CDH18: variants seen among roughly 807,000 people sequenced by gnomAD.
CDH18 encodes cadherin 18, also known as cadherin-18.
In CDH18, 31 loss-of-function variants were observed where a neutral mutation model predicts 67.9. That is an observed-to-expected ratio of 0.46 (90% confidence interval 0.34 to 0.62). The LOEUF (loss-of-function observed/expected upper bound fraction) is 0.62. CDH18 is among the 20% of genes least tolerant of loss of function. CDH18 has a pLI of 0.01. For missense variants in CDH18, 890 were observed against 975.5 expected (o/e 0.91, Z 1.17); for synonymous variants, 362 against 347.2 (o/e 1.04, Z -0.48).
intron 2 of CDH18, among the ~76,000 whole-genome samples, chr5:19,896,083 G>A (rs116509060): frequency 0.036 from 5,411 of 152,144 alleles, 256 homozygotes; most frequent in African/African-American, 0.1. Flanking sequence ...TTGGTCGGAC[G>A]CAGTGGCTCA....
At chr5:20,055,627 G>A (rs745994838) in intron 2 of CDH18, among the ~76,000 whole-genome samples, 8 of 152,194 alleles carry the variant, frequency 5.3e-5, no homozygotes, top group Non-Finnish European at 7.3e-5. Flanking sequence ...CCAACAACTG[G>A]CTTTCAGGAA....
chr5:19,742,750 TCTCTCTCA>T (rs1301435053), intron 4 of CDH18, among the ~76,000 whole-genome samples: 3 of 152,042 alleles, frequency 2.0e-5, no homozygotes, highest in African/African-American at 7.2e-5. Context: ...TCTCTCTCTC[TCTCTCTCA>T]CTCAAGAAAG....
intron 2 of CDH18, among the ~76,000 whole-genome samples, chr5:20,207,630 G>A (rs1205863199): frequency 6.6e-6 from 1 of 151,980 alleles, no homozygotes; most frequent in Non-Finnish European, 1.5e-5. Context: ...TCACTATCAT[G>A]AGAACAGCAG....
chr5:19,791,374 C>CAT (rs1304027069), intron 3 of CDH18, among the ~76,000 whole-genome samples: 1 of 151,628 alleles, frequency 6.6e-6, no homozygotes, highest in Non-Finnish European at 1.5e-5. Flanking sequence ...CACACACACA[C>CAT]ACACACACAC....
chr5:19,630,212 G>A (rs1181874052), intron 5 of CDH18, among the ~76,000 whole-genome samples: 2 of 152,056 alleles, frequency 1.3e-5, no homozygotes, highest in African/African-American at 4.8e-5. Context: ...AAAGTGCTGG[G>A]AATACAGGTG....
chr5:19,652,321 G>A (rs562081715), intron 5 of CDH18, among the ~76,000 whole-genome samples: 22 of 152,000 alleles, frequency 1.4e-4, no homozygotes, highest in Non-Finnish European at 3.2e-4. Context: ...TAGCAAAATA[G>A]GAGGATTTAG....
intron 1 of CDH18, among the ~76,000 whole-genome samples, chr5:20,274,439 T>C (rs147223677): frequency 3.9e-5 from 6 of 152,208 alleles, no homozygotes; most frequent in East Asian, 1.9e-4. Flanking sequence ...ATAGAATGCA[T>C]AGTGAGAGAA....
chr5:19,860,433 CT>C (rs550783407), intron 2 of CDH18, among the ~76,000 whole-genome samples: 399 of 142,248 alleles, frequency 2.8e-3, no homozygotes, highest in Middle Eastern at 3.8e-3. Context: ...TCTTCTTCTT[CT>C]TTTTTTTTTT....
intron 2 of CDH18, among the ~76,000 whole-genome samples, chr5:20,242,652 G>GTA (rs1743076698): frequency 9.2e-6 from 1 of 108,964 alleles, no homozygotes; most frequent in African/African-American, 5.0e-5. Flanking sequence ...ATATATATAT[G>GTA]TAAATGGACT....
chr5:20,110,735 A>G (rs1747388364), intron 2 of CDH18, among the ~76,000 whole-genome samples: 1 of 152,238 alleles, frequency 6.6e-6, no homozygotes, highest in Non-Finnish European at 1.5e-5. Context: ...AATGCAAAAT[A>G]TGACCAATTA....
At chr5:20,209,603 C>T (rs923959440) in intron 2 of CDH18, among the ~76,000 whole-genome samples, 1 of 151,650 alleles carries the variant, frequency 6.6e-6, no homozygotes, top group Non-Finnish European at 1.5e-5. Context: ...GGAAAATTGG[C>T]ATAGGGAGAT....
At chr5:20,402,060 T>C (rs925920964) in intron 1 of CDH18, among the ~76,000 whole-genome samples, 2 of 152,142 alleles carry the variant, frequency 1.3e-5, no homozygotes, top group Non-Finnish European at 2.9e-5. Context: ...GTTCCTAGAA[T>C]GTACCAAGCC....
intron 2 of CDH18, among the ~76,000 whole-genome samples, chr5:19,994,493 C>A (rs1735726679): frequency 6.7e-6 from 1 of 149,720 alleles, no homozygotes; most frequent in Admixed American, 6.7e-5. Flanking sequence ...ATAAATTTTT[C>A]CTGGGTCTCT....
At chr5:19,695,845 T>G (rs1282151466) in intron 5 of CDH18, among the ~76,000 whole-genome samples, 3 of 152,180 alleles carry the variant, frequency 2.0e-5, no homozygotes, top group Non-Finnish European at 4.4e-5. Context: ...ATCATCAGTA[T>G]CAGCAATCAA....
intron 8 of CDH18, among the ~76,000 whole-genome samples, chr5:19,550,834 G>A (rs534717512): frequency 4.6e-5 from 7 of 152,186 alleles, no homozygotes; most frequent in East Asian, 1.9e-4. Context: ...CTGAGGAATC[G>A]CCACACTGAC....
chr5:19,634,679 G>A (rs867506212), intron 5 of CDH18, among the ~76,000 whole-genome samples: 7 of 152,204 alleles, frequency 4.6e-5, no homozygotes, highest in Middle Eastern at 3.4e-3. Flanking sequence ...GCTCATGCAT[G>A]TAATCCCAGC....
chr5:19,804,224 G>A (rs1777798313), intron 3 of CDH18, among the ~76,000 whole-genome samples: 1 of 150,196 alleles, frequency 6.7e-6, no homozygotes, highest in Non-Finnish European at 1.5e-5. Flanking sequence ...ATGGCGTGAA[G>A]CCAGGAGGCA....
At chr5:20,097,902 T>A (rs1293624973) in intron 2 of CDH18, among the ~76,000 whole-genome samples, 1 of 152,150 alleles carries the variant, frequency 6.6e-6, no homozygotes, top group Non-Finnish European at 1.5e-5. Flanking sequence ...TCGACTTTTG[T>A]GATAGTAAAC....
chr5:20,038,621 A>G (rs962521797), intron 2 of CDH18, among the ~76,000 whole-genome samples: 2 of 152,222 alleles, frequency 1.3e-5, no homozygotes, highest in Non-Finnish European at 2.9e-5. Context: ...GATACAGATT[A>G]TGCCTTCAAT....
Sources: gnomAD v4.1 joint callset for allele counts (sites outside exome capture counted in the v4.1 genomes callset) on GRCh38, gnomAD v4.1.1 for gene constraint, MANE v1.5 for transcripts, NCBI Gene and HGNC (gene_info 2026-07-23, HGNC 2026-07-21) for gene names.